ARL15: variants seen among roughly 807,000 people sequenced by gnomAD.
ARL15 encodes the protein ARF like GTPase 15, also known as ADP-ribosylation factor-like protein 15.
ARL15 carries 19 observed loss-of-function variants against 25.2 expected under a neutral mutation model. The ratio of observed to expected loss-of-function variants is 0.75; its 90% CI spans 0.53 to 1.10. ARL15 has a LOEUF of 1.10. ARL15 is among the 50% of genes least tolerant of loss of function. ARL15 has a pLI of 0.00. For synonymous variants in ARL15, 94 were observed against 86.8 expected (o/e 1.08, Z -0.46); for missense variants, 220 against 246.0 (o/e 0.89, Z 0.71).
intron 1 of ARL15, among the ~76,000 whole-genome samples, chr5:54,193,609 C>T (rs1187808494): frequency 6.6e-6 from 1 of 152,114 alleles, no homozygotes; most frequent in East Asian, 1.9e-4. Context: ...ACCCTGAATC[C>T]ATCCCCTCCA....
At chr5:54,199,201 A>G (rs914069851) in intron 1 of ARL15, among the ~76,000 whole-genome samples, 1 of 152,234 alleles carries the variant, frequency 6.6e-6, no homozygotes, top group African/African-American at 2.4e-5. Flanking sequence ...ACCCTAGAAG[A>G]AAACCTAGGC....
rs935004508 is a variant in ARL15, at chr5:54,079,747, A to G, written c.462+33455T>C. 3.9e-5 allele frequency among the ~76,000 whole-genome samples: 6 copies of G among 152,242 alleles called. 1 individual carries two copies. Among genetic ancestry groups the G allele is most frequent in the Admixed American group, 3.9e-4 (6 of 15,290 alleles). On this transcript the variant is annotated intron_variant, in intron 4 of 4. Transcript: ENST00000504924. ...CACTTTGGGAAGCTGAGGTGTGCAA[A>G]TCACCAGCGGTCAGGAGTTCCAGAC...
At chr5:53,971,974 T>C (rs987199660) in intron 4 of ARL15, among the ~76,000 whole-genome samples, 2 of 152,172 alleles carry the variant, frequency 1.3e-5, no homozygotes, top group Non-Finnish European at 2.9e-5. Context: ...AATAGCATGG[T>C]ATTTGGGATT....
At chr5:54,054,907 G>A (rs1750815713) in intron 4 of ARL15, among the ~76,000 whole-genome samples, 1 of 152,024 alleles carries the variant, frequency 6.6e-6, no homozygotes, top group Non-Finnish European at 1.5e-5. Context: ...TCTATTTCCA[G>A]TCACACCAAA....
intron 2 of ARL15, among the ~76,000 whole-genome samples, 181 bp from the exon 3 acceptor site, chr5:54,154,820 T>G (rs551690933): frequency 9.1e-4 from 138 of 152,126 alleles, no homozygotes; most frequent in Non-Finnish European, 1.6e-3. Flanking sequence ...TCTTCTGCCA[T>G]TATCAAAACA....
chr5:54,081,536 T>C (rs274373), intron 4 of ARL15, among the ~76,000 whole-genome samples: 5 of 151,864 alleles, frequency 3.3e-5, no homozygotes, highest in African/African-American at 1.2e-4. Context: ...CCAGGTGCAG[T>C]TAACTAGATC....
intron 4 of ARL15, among the ~76,000 whole-genome samples, chr5:53,927,261 T>C (rs1746059969): frequency 6.6e-6 from 1 of 152,184 alleles, no homozygotes; most frequent in South Asian, 2.1e-4. Context: ...TTCTGAAGAA[T>C]GGAGCCTTGA....
chr5:54,080,798 T>A (rs573856459), intron 4 of ARL15, among the ~76,000 whole-genome samples: 1 of 152,262 alleles, frequency 6.6e-6, no homozygotes, highest in East Asian at 1.9e-4. Context: ...GTGAGGACAA[T>A]TCTCTTCATT....
intron 1 of ARL15, among the ~76,000 whole-genome samples, chr5:54,300,990 C>T (rs773915583): frequency 6.6e-6 from 1 of 152,212 alleles, no homozygotes; most frequent in Non-Finnish European, 1.5e-5. Context: ...CCCAAATTTC[C>T]GCACAGCTAT....
At chr5:53,964,483 C>G (rs1405949548) in intron 4 of ARL15, among the ~76,000 whole-genome samples, 1 of 152,094 alleles carries the variant, frequency 6.6e-6, no homozygotes, top group South Asian at 2.1e-4. Flanking sequence ...CCTCAGCCTC[C>G]CTAGTAGCTG....
At chr5:54,075,626 A>G (rs1237199321) in intron 4 of ARL15, 1 of 152,056 alleles carries the variant, frequency 6.6e-6, no homozygotes, top group Non-Finnish European at 1.5e-5. Context: ...AGCTGGGACC[A>G]CAGGTGTGCA....
intron 4 of ARL15, among the ~76,000 whole-genome samples, chr5:53,918,780 A>G (rs1745742840): frequency 6.6e-6 from 1 of 152,192 alleles, no homozygotes; most frequent in Non-Finnish European, 1.5e-5. Context: ...ATCTGGAAGC[A>G]AAAGAGAGGA....
intron 4 of ARL15, among the ~76,000 whole-genome samples, chr5:53,890,811 C>T (rs367940117): frequency 2.6e-5 from 4 of 152,166 alleles, no homozygotes; most frequent in African/African-American, 4.8e-5. Flanking sequence ...AGAGACGACT[C>T]GGCACCATCT....
chr5:53,928,619 T>A (rs376356750), intron 4 of ARL15, among the ~76,000 whole-genome samples: 3 of 152,130 alleles, frequency 2.0e-5, no homozygotes, highest in Non-Finnish European at 4.4e-5. Flanking sequence ...TCATTCCCCC[T>A]CCCCTAATAT....
intron 1 of ARL15, among the ~76,000 whole-genome samples, chr5:54,271,826 A>G (rs1044080266): frequency 6.6e-6 from 1 of 152,198 alleles, no homozygotes; most frequent in African/African-American, 2.4e-5. Flanking sequence ...TATGTTCTAC[A>G]AAGCAAAGAC....
intron 1 of ARL15, among the ~76,000 whole-genome samples, chr5:54,252,479 C>CA (rs200008528): frequency 6.6e-6 from 1 of 152,096 alleles, no homozygotes; most frequent in Non-Finnish European, 1.5e-5. Flanking sequence ...TTTCAGCAAA[C>CA]AAGTCTTTAA....
At chr5:54,000,941 T>A (rs1412982469) in intron 4 of ARL15, among the ~76,000 whole-genome samples, 1 of 152,222 alleles carries the variant, frequency 6.6e-6, no homozygotes, top group African/African-American at 2.4e-5. Flanking sequence ...GGGCCCAGGC[T>A]CAGAAGGGCT....
intron 1 of ARL15, among the ~76,000 whole-genome samples, chr5:54,288,554 C>T (rs1382733839): frequency 6.6e-6 from 1 of 152,176 alleles, no homozygotes; most frequent in African/African-American, 2.4e-5. Flanking sequence ...TGTGACAGAA[C>T]CACAATTTGA....
At chr5:54,026,926 G>A (rs1359818455) in intron 4 of ARL15, among the ~76,000 whole-genome samples, 2 of 152,108 alleles carry the variant, frequency 1.3e-5, no homozygotes, top group East Asian at 3.9e-4. Flanking sequence ...AGATGTGTGT[G>A]ACCACTTGAT....
Sources: gnomAD v4.1 joint callset for allele counts (sites outside exome capture counted in the v4.1 genomes callset) on GRCh38, gnomAD v4.1.1 for gene constraint, MANE v1.5 for transcripts, NCBI Gene and HGNC (gene_info 2026-07-23, HGNC 2026-07-21) for gene names.